HDAC9: variants seen among roughly 807,000 people sequenced by gnomAD.
HDAC9 encodes the protein histone deacetylase 9.
A neutral mutation model predicts 139.4 loss-of-function variants in HDAC9; 41 were observed. The ratio of observed to expected loss-of-function variants is 0.29; its 90% CI spans 0.23 to 0.38. The LOEUF is 0.38. Among genes scored for constraint, HDAC9 ranks in the 10% least tolerant of loss-of-function variants. HDAC9 has a pLI of 1.00. For synonymous variants in HDAC9, 517 were observed against 476.2 expected, an observed-to-expected ratio of 1.09 and a Z score of -1.12; for missense variants, 1,147 against 1,297.0, an observed-to-expected ratio of 0.88 and a Z score of 1.78.
At chr7:18,494,892 A>C (rs1298786087), upstream of HDAC9, among the ~76,000 whole-genome samples, 1 of 152,036 alleles carries the variant, frequency 6.6e-6, no homozygotes, top group East Asian at 1.9e-4. Context: ...AAGTAAATTG[A>C]ATTTAGCCTG....
At chr7:18,293,091 A>G (rs2128225825) in intron 1 of HDAC9, among the ~76,000 whole-genome samples, 2 of 152,248 alleles carry the variant, frequency 1.3e-5, no homozygotes, top group African/African-American at 4.8e-5. Context: ...TTATCAGGCA[A>G]TCTGATACAA....
At chr7:18,732,918 TAC>T (rs1208699405) in intron 13 of HDAC9, among the ~76,000 whole-genome samples, 1 of 86,892 alleles carries the variant, frequency 1.2e-5, no homozygotes, top group Non-Finnish European at 2.5e-5. Flanking sequence ...CGTATGTGTA[TAC>T]ACACGTGTGT....
At chr7:18,432,762 A>G (rs938955397) in intron 1 of HDAC9, among the ~76,000 whole-genome samples, 1 of 152,144 alleles carries the variant, frequency 6.6e-6, no homozygotes, top group Non-Finnish European at 1.5e-5. Flanking sequence ...CCTGGCTAAC[A>G]TGGTGAAACC....
chr7:18,667,416 A>G, intron 12 of HDAC9: 1 of 984,088 alleles, frequency 1.0e-6, no homozygotes, highest in Non-Finnish European at 1.2e-6. Flanking sequence ...GTATAATTCC[A>G]TAATGACATG....
chr7:18,953,417 C>T (rs534964932), intron 23 of HDAC9, among the ~76,000 whole-genome samples: 6 of 152,182 alleles, frequency 3.9e-5, no homozygotes, highest in East Asian at 3.9e-4. Context: ...CAGATAGGCT[C>T]TGTAAATTAT....
chr7:18,935,456 G>A (rs1307201279), intron 22 of HDAC9, among the ~76,000 whole-genome samples: 2 of 152,110 alleles, frequency 1.3e-5, no homozygotes, highest in African/African-American at 2.4e-5. Context: ...CATATGGTAA[G>A]CAAATGGAAG....
At chr7:18,477,945 T>C (rs1381053434) in intron 1 of HDAC9, among the ~76,000 whole-genome samples, 1 of 152,196 alleles carries the variant, frequency 6.6e-6, no homozygotes, top group African/African-American at 2.4e-5. Flanking sequence ...ACCTGCATTT[T>C]TCTATGCTTG....
intron 6 of HDAC9, among the ~76,000 whole-genome samples, chr7:18,611,814 A>G (rs1179746400): frequency 6.6e-6 from 1 of 152,166 alleles, no homozygotes; most frequent in African/African-American, 2.4e-5. Context: ...TTTTAGAAAT[A>G]GCATATGTTT....
chr7:18,897,192 T>C (rs1210265585), intron 22 of HDAC9, among the ~76,000 whole-genome samples: 2 of 152,026 alleles, frequency 1.3e-5, no homozygotes, highest in African/African-American at 4.8e-5. Context: ...TGACTGAATT[T>C]TTCAGAAATA....
intron 12 of HDAC9, among the ~76,000 whole-genome samples, chr7:18,685,961 A>T (rs1782239455): frequency 1.3e-5 from 2 of 152,012 alleles, no homozygotes; most frequent in Admixed American, 6.6e-5. Flanking sequence ...TAATTGCCAA[A>T]CACCATACCC....
At chr7:18,658,848 GT>G (rs1792130961) in intron 11 of HDAC9, among the ~76,000 whole-genome samples, 1 of 135,426 alleles carries the variant, frequency 7.4e-6, no homozygotes, top group Non-Finnish European at 1.6e-5. Context: ...TAAGGGAAAT[GT>G]TTTATTTTCC....
Position 18,359,040 on chromosome 7 carries a change from T to C in HDAC9, c.-42+68525T>C, listed in dbSNP as rs1014177438. 2.6e-4 allele frequency among the ~76,000 whole-genome samples: 39 copies of C among 152,340 alleles called. 1 individual carries two copies. The highest frequency in any genetic ancestry group is 3.4e-3 in the Middle Eastern group (1 of 294). ...TGCTAAAACCTGCACTGTTCATCAC[T>C]GCCCAGTACTTCTTTCTTAAATTGG... On this transcript the variant is annotated intron_variant, in intron 1 of 3. Coordinates refer to the HDAC9 transcript ENST00000413509.
intron 22 of HDAC9, among the ~76,000 whole-genome samples, chr7:18,894,613 C>A (rs374440336): frequency 2.2e-4 from 33 of 152,146 alleles, no homozygotes; most frequent in African/African-American, 7.9e-4. Flanking sequence ...TAGACTGCTG[C>A]TCTTGAGGAA....
chr7:18,939,913 C>T (rs1781905840), intron 23 of HDAC9, among the ~76,000 whole-genome samples: 2 of 152,182 alleles, frequency 1.3e-5, no homozygotes, highest in Non-Finnish European at 2.9e-5. Flanking sequence ...CAATTGAACT[C>T]CCATTAGAAA....
At chr7:18,206,690 C>T (rs1308851093) in intron 2 of HDAC9, among the ~76,000 whole-genome samples, 1 of 151,974 alleles carries the variant, frequency 6.6e-6, no homozygotes. Context: ...AATAAGGGTA[C>T]ACACAGGGCC....
intron 2 of HDAC9, among the ~76,000 whole-genome samples, chr7:18,219,062 A>G (rs1046431478): frequency 3.3e-5 from 5 of 152,168 alleles, no homozygotes; most frequent in African/African-American, 1.2e-4. Context: ...GTGCTTTTCA[A>G]TACTAGGTAC....
intron 22 of HDAC9, among the ~76,000 whole-genome samples, chr7:18,882,059 T>C (rs1400243882): frequency 6.6e-6 from 1 of 152,142 alleles, no homozygotes; most frequent in Non-Finnish European, 1.5e-5. Context: ...TTTCAAAAAC[T>C]GGCCAAGTGC....
chr7:18,759,658 C>CT (rs1454045280), intron 14 of HDAC9, among the ~76,000 whole-genome samples: 2 of 152,288 alleles, frequency 1.3e-5, no homozygotes, highest in South Asian at 2.1e-4. Flanking sequence ...ATCTCCTCCA[C>CT]TTTTTTTGTC....
intron 23 of HDAC9, among the ~76,000 whole-genome samples, chr7:18,952,703 G>A (rs1179159799): frequency 2.0e-5 from 3 of 151,794 alleles, no homozygotes; most frequent in African/African-American, 7.3e-5. Context: ...AGTGTTACTA[G>A]ACTAACATAT....
Sources: allele counts gnomAD v4.1 joint callset (sites outside exome capture counted in the v4.1 genomes callset), GRCh38; gene constraint gnomAD v4.1.1; transcripts MANE v1.5; gene names NCBI Gene and HGNC (gene_info 2026-07-23, HGNC 2026-07-21).